Variants in CMSS1 observed in about 807,000 individuals in gnomAD.
The protein encoded by CMSS1 is cms1 ribosomal small subunit homolog.
A neutral mutation model predicts 43.5 loss-of-function variants in CMSS1; 33 were observed. The observed-to-expected ratio is 0.76, with a 90% confidence interval of 0.57 to 1.01. The LOEUF is 1.01. CMSS1 is among the 50% of genes least tolerant of loss of function. The pLI, the probability that CMSS1 is intolerant of heterozygous loss-of-function variation, is 0.00. For missense variants in CMSS1, 313 were observed against 326.4 expected (o/e 0.96, Z 0.32); for synonymous variants, 115 against 117.2 (o/e 0.98, Z 0.12).
At chr3:100,069,992 CA>C (rs1389920859) in intron 1 of CMSS1, among the ~76,000 whole-genome samples, 7 of 151,992 alleles carry the variant, frequency 4.6e-5, no homozygotes, top group Admixed American at 2.0e-4. Flanking sequence ...CCTTTTATTT[CA>C]AACATAATTC....
chr3:99,853,163 G>C (rs114350715), intron 1 of CMSS1, among the ~76,000 whole-genome samples: 3,360 of 152,278 alleles, frequency 0.022, 62 homozygotes, highest in Middle Eastern at 0.071. Flanking sequence ...CAGTGGCAGA[G>C]TCCATGGGTA....
intron 1 of CMSS1, among the ~76,000 whole-genome samples, chr3:99,951,106 T>A (rs1180841658): frequency 6.6e-6 from 1 of 152,180 alleles, no homozygotes; most frequent in African/African-American, 2.4e-5. Context: ...CTATTTTCTC[T>A]CTCACTCATA....
At chr3:99,894,950 T>G (rs1457653438) in intron 1 of CMSS1, among the ~76,000 whole-genome samples, 1 of 152,222 alleles carries the variant, frequency 6.6e-6, no homozygotes, top group Non-Finnish European at 1.5e-5. Context: ...AAACATGATA[T>G]TTAATTAACA....
In CMSS1 at chr3:99,868,460, G is replaced by A. The variant is rs140806047; in HGVS notation, c.64+50417G>A. Among the ~76,000 whole-genome samples, 11 of 152,308 alleles carry A rather than the reference G, an allele frequency of 7.2e-5. No individual in the cohort carries two copies. The East Asian group carries it at 1.9e-3, about 27-fold the overall frequency. On this transcript the variant is annotated intron_variant, in intron 1 of 9. Transcript: ENST00000421999. ...CCCAGCAGCACCAGATGATGAAGGA[G>A]CATCATCCCTATGGATAGACTAGCA...
chr3:99,921,606 A>T (rs1212385997), intron 1 of CMSS1, among the ~76,000 whole-genome samples: 1 of 152,192 alleles, frequency 6.6e-6, no homozygotes, highest in East Asian at 1.9e-4. Context: ...GAATATTCTC[A>T]TATCTTCTGG....
chr3:99,946,818 T>G (rs1242191513), intron 1 of CMSS1, among the ~76,000 whole-genome samples: 1 of 152,204 alleles, frequency 6.6e-6, no homozygotes, highest in Non-Finnish European at 1.5e-5. Context: ...AGTGATTTGC[T>G]GGCTCTATAC....
At chr3:99,850,656 T>G in intron 1 of CMSS1, 1 of 1,614,170 alleles carries the variant, frequency 6.2e-7, no homozygotes, top group East Asian at 2.2e-5. Flanking sequence ...AAGACCTGTT[T>G]GTCTCTTCTA....
intron 1 of CMSS1, among the ~76,000 whole-genome samples, chr3:100,062,890 C>T (rs2065598586): frequency 6.6e-6 from 1 of 152,194 alleles, no homozygotes; most frequent in South Asian, 2.1e-4. Context: ...CATCATGAGA[C>T]CTGGTTCTAG....
At position 100,162,391 on chromosome 3, in the gene CMSS1, G is replaced by T. The variant is rs1160927944; in HGVS notation, c.314G>T (p.Ser105Ile). ...AAGCTGATGAAGGACTATTATAGCA[G>T]CAGACGCTTGGTGATTGAATTAGAA... ...LQKLMKDYYS[S>I]RRLVIELEEL... Residue 105 changes from serine to isoleucine, a missense_variant, in exon 4 of 10, where the codon AGC becomes ATC. By Grantham distance (142) the Ser-to-Ile change is moderately radical (BLOSUM62 -2). Coordinates refer to ENST00000421999, the MANE Select transcript of CMSS1 (RefSeq NM_032359.4). 11 of 1,613,206 alleles carry T rather than the reference G, an allele frequency of 6.8e-6. No individual in the cohort carries two copies. The highest frequency in any genetic ancestry group is 9.3e-6 in the Non-Finnish European group (11 of 1,179,482).
intron 1 of CMSS1, among the ~76,000 whole-genome samples, chr3:100,036,422 C>T (rs2065109578): frequency 6.6e-6 from 1 of 152,150 alleles, no homozygotes; most frequent in South Asian, 2.1e-4. Flanking sequence ...AGGACTGCCA[C>T]TGGCCTAATC....
intron 8 of CMSS1, among the ~76,000 whole-genome samples, chr3:100,173,766 C>T (rs1008759650): frequency 3.3e-5 from 5 of 152,128 alleles, no homozygotes; most frequent in African/African-American, 9.7e-5. Context: ...TGGTATATCA[C>T]AAGGAATTGA....
chr3:100,024,811 G>T (rs2064888639), intron 1 of CMSS1, among the ~76,000 whole-genome samples: 1 of 152,114 alleles, frequency 6.6e-6, no homozygotes, highest in Non-Finnish European at 1.5e-5. Flanking sequence ...TCATTTTATG[G>T]AGGGGGTCCA....
chr3:99,919,287 C>T (rs916769223), intron 1 of CMSS1, among the ~76,000 whole-genome samples: 1 of 151,586 alleles, frequency 6.6e-6, no homozygotes, highest in African/African-American at 2.4e-5. Flanking sequence ...TTCTACCCGT[C>T]ATGAACTCAT....
At chr3:100,001,272 T>C (rs1219377136) in intron 1 of CMSS1, among the ~76,000 whole-genome samples, 1 of 152,242 alleles carries the variant, frequency 6.6e-6, no homozygotes, top group Non-Finnish European at 1.5e-5. Flanking sequence ...AAATAAAGTT[T>C]TATTGGAACA....
intron 9 of CMSS1, among the ~76,000 whole-genome samples, chr3:100,177,185 C>A (rs990718901): frequency 6.6e-6 from 1 of 152,172 alleles, no homozygotes; most frequent in African/African-American, 2.4e-5. Flanking sequence ...TCACATAAAG[C>A]TATATCTCCA....
intron 1 of CMSS1, among the ~76,000 whole-genome samples, chr3:99,998,648 C>T (rs1178347846): frequency 1.3e-5 from 2 of 152,046 alleles, no homozygotes; most frequent in Non-Finnish European, 2.9e-5. Flanking sequence ...CTGCAAGCTC[C>T]GCCTCCCGGG....
chr3:99,950,000 G>C (rs754570619), intron 1 of CMSS1, among the ~76,000 whole-genome samples: 69 of 152,028 alleles, frequency 4.5e-4, no homozygotes, highest in Non-Finnish European at 1.2e-4. Flanking sequence ...CATAATCAAA[G>C]GTATGCTTCT....
At chr3:100,121,640 G>T (rs1433574274) in intron 1 of CMSS1, among the ~76,000 whole-genome samples, 2 of 152,062 alleles carry the variant, frequency 1.3e-5, no homozygotes, top group Non-Finnish European at 2.9e-5. Context: ...AATCCTTTGG[G>T]TATATGCCCG....
chr3:99,972,048 T>C (rs1708838369), intron 1 of CMSS1, among the ~76,000 whole-genome samples: 1 of 152,164 alleles, frequency 6.6e-6, no homozygotes, highest in African/African-American at 2.4e-5. Context: ...ATAGTTTGAC[T>C]AAGCAGTTAA....
Sources: gnomAD v4.1 joint callset for allele counts (sites outside exome capture counted in the v4.1 genomes callset) on GRCh38, gnomAD v4.1.1 for gene constraint, MANE v1.5 for transcripts, NCBI Gene and HGNC (gene_info 2026-07-23, HGNC 2026-07-21) for gene names.